PRKAG2: variants seen among roughly 807,000 people sequenced by gnomAD.
PRKAG2 encodes the protein protein kinase AMP-activated non-catalytic subunit gamma 2.
PRKAG2 carries 26 observed loss-of-function variants against 69.6 expected under a neutral mutation model. The observed-to-expected ratio is 0.37, with a 90% CI of 0.27 to 0.52. The LOEUF is 0.52. Among genes scored for constraint, PRKAG2 ranks in the 20% least tolerant of loss-of-function variants. The pLI, the probability that PRKAG2 is intolerant of heterozygous loss-of-function variation, is 0.90. For missense variants in PRKAG2, 557 were observed against 740.0 expected (o/e 0.75, Z 2.87); for synonymous variants, 293 against 285.0 (o/e 1.03, Z -0.28).
At chr7:151,562,049 A>G (rs1441340962) in intron 14 of PRKAG2, among the ~76,000 whole-genome samples, 1 of 151,706 alleles carries the variant, frequency 6.6e-6, no homozygotes, top group Non-Finnish European at 1.5e-5. Flanking sequence ...GCTCGAGACC[A>G]GCCTGACCAA....
At chr7:151,696,775 GGA>G (rs1836753120) in intron 3 of PRKAG2, among the ~76,000 whole-genome samples, 1 of 152,238 alleles carries the variant, frequency 6.6e-6, no homozygotes, top group Non-Finnish European at 1.5e-5. Flanking sequence ...ACACCAGGGA[GGA>G]GAGGCCTGAA....
intron 14 of PRKAG2, 92 bp downstream of exon 14, chr7:151,563,986 T>G: frequency 6.3e-7 from 1 of 1,581,038 alleles, no homozygotes; most frequent in South Asian, 1.1e-5. Context: ...CGCTGGGCCC[T>G]TCCTGAGATT....
chr7:151,617,106 A>T (rs974377152), intron 5 of PRKAG2, among the ~76,000 whole-genome samples: 22 of 151,900 alleles, frequency 1.4e-4, no homozygotes, highest in African/African-American at 5.1e-4. Context: ...CTAAAAGAAT[A>T]CAAAATTAGC....
At chr7:151,561,604 C>T (rs1228353510) in intron 14 of PRKAG2, among the ~76,000 whole-genome samples, 13 of 152,236 alleles carry the variant, frequency 8.5e-5, no homozygotes, top group Non-Finnish European at 1.8e-4. Flanking sequence ...AGGCCTTTCA[C>T]CCGCAGGAAG....
chr7:151,686,060 G>A (rs1017914524), intron 3 of PRKAG2, among the ~76,000 whole-genome samples: 3 of 152,066 alleles, frequency 2.0e-5, no homozygotes, highest in Non-Finnish European at 2.9e-5. Context: ...AGTCTAACCC[G>A]ACATGCTGAG....
At chr7:151,778,152 T>C (rs954966083) in intron 3 of PRKAG2, among the ~76,000 whole-genome samples, 7 of 152,076 alleles carry the variant, frequency 4.6e-5, no homozygotes, top group African/African-American at 1.7e-4. Flanking sequence ...CACTGTGATC[T>C]CATCCCCAAC....
intron 1 of PRKAG2, among the ~76,000 whole-genome samples, chr7:151,818,137 C>A (rs975892371): frequency 6.6e-6 from 1 of 152,128 alleles, no homozygotes; most frequent in Non-Finnish European, 1.5e-5. Flanking sequence ...GACATTGGGG[C>A]CTTATGATAT....
At chr7:151,811,979 A>T (rs769883470) in intron 1 of PRKAG2, among the ~76,000 whole-genome samples, 4 of 152,230 alleles carry the variant, frequency 2.6e-5, no homozygotes, top group Non-Finnish European at 4.4e-5. Context: ...TTCCTTGTGT[A>T]AAAGGGAAAT....
intron 5 of PRKAG2, among the ~76,000 whole-genome samples, chr7:151,609,381 C>T: frequency 6.6e-6 from 1 of 152,154 alleles, no homozygotes; most frequent in East Asian, 1.9e-4. Context: ...ATGAACAAGA[C>T]AGACTATCAC....
At chr7:151,876,446 G>C (rs1447899978) in intron 1 of PRKAG2, 61 bp downstream of exon 1, 2 of 1,516,384 alleles carry the variant, frequency 1.3e-6, no homozygotes, top group African/African-American at 1.4e-5. Context: ...TAACCGCTTC[G>C]GCGCCGGGGA....
chr7:151,568,681 C>T (rs1291667960), intron 11 of PRKAG2, 35 bp downstream of exon 11: 1 of 1,606,702 alleles, frequency 6.2e-7, no homozygotes, highest in Non-Finnish European at 8.5e-7. Flanking sequence ...TAAGTAAATG[C>T]AATTATGTCT....
At chr7:151,853,457 G>T (rs1261153326) in intron 1 of PRKAG2, among the ~76,000 whole-genome samples, 1 of 152,140 alleles carries the variant, frequency 6.6e-6, no homozygotes, top group African/African-American at 2.4e-5. Context: ...TCTGTGAGAT[G>T]ATCATTTTTG....
intron 3 of PRKAG2, among the ~76,000 whole-genome samples, chr7:151,745,135 C>T (rs1277130826): frequency 6.6e-6 from 1 of 152,082 alleles, no homozygotes; most frequent in Non-Finnish European, 1.5e-5. Context: ...GGTGAGGATG[C>T]ACTACTCAAA....
intron 3 of PRKAG2, among the ~76,000 whole-genome samples, chr7:151,739,530 C>T (rs764478582): frequency 3.3e-5 from 5 of 151,964 alleles, no homozygotes; most frequent in Non-Finnish European, 5.9e-5. Context: ...AGTGCAATGG[C>T]ACAATCTCAG....
chr7:151,768,456 ATTCT>A (rs1216342080), intron 3 of PRKAG2, among the ~76,000 whole-genome samples: 3 of 121,230 alleles, frequency 2.5e-5, no homozygotes, highest in Non-Finnish European at 5.0e-5. Context: ...CTCTCTTCCT[ATTCT>A]TTCTTTCTTT....
At chr7:151,596,152 C>T (rs555360186) in intron 5 of PRKAG2, among the ~76,000 whole-genome samples, 76 of 152,262 alleles carry the variant, frequency 5.0e-4, no homozygotes, top group East Asian at 2.1e-3. Flanking sequence ...AAATAAAAGG[C>T]ATCCAAATAT....
intron 7 of PRKAG2, among the ~76,000 whole-genome samples, chr7:151,575,556 T>C (rs1054193869): frequency 2.6e-5 from 4 of 152,208 alleles, no homozygotes; most frequent in Admixed American, 6.5e-5. Flanking sequence ...AACGATGGCA[T>C]TTAGATAGCT....
chr7:151,870,371 G>C (rs976492742), intron 1 of PRKAG2, among the ~76,000 whole-genome samples: 8 of 152,124 alleles, frequency 5.3e-5, no homozygotes, highest in Admixed American at 5.2e-4. Flanking sequence ...CAGTAAGTCT[G>C]GGCTACGAAG....
In PRKAG2 at chr7:151,807,544, C is replaced by T; in HGVS notation, c.115-21003G>A. The T allele has an allele frequency of 2.2e-6, 1 of 457,894 alleles. No homozygotes were observed. The highest frequency in any genetic ancestry group is 4.4e-6 in the Non-Finnish European group (1 of 226,990). The allele number at this position is 457,894 out of a possible 1,614,324, so 28.4% of individuals were successfully genotyped here. A position where few individuals can be genotyped will look rare whatever the true frequency, so the allele number is the denominator to read the frequency against. ...AACCTACGAGCTGAAATGGCCAGCACTGCGCCTTCCAGAACCCAGCGTAGA... is the reference window on the plus strand; with the variant it reads ...AACCTACGAGCTGAAATGGCCAGCATTGCGCCTTCCAGAACCCAGCGTAGA... On this transcript the variant is annotated intron_variant, in intron 1 of 15. Coordinates refer to ENST00000287878, the MANE Select transcript of PRKAG2 (RefSeq NM_016203.4). The surrounding 1 kb of genome is among the most constrained non-coding windows in gnomAD (Gnocchi z 4.4).
Sources: allele counts gnomAD v4.1 joint callset (sites outside exome capture counted in the v4.1 genomes callset), GRCh38; gene constraint gnomAD v4.1.1; non-coding constraint Gnocchi (gnomAD v3.1); transcripts MANE v1.5; gene names NCBI Gene and HGNC (gene_info 2026-07-23, HGNC 2026-07-21).